UTP18: variants seen among roughly 807,000 people sequenced by gnomAD.
UTP18 encodes U3 small nucleolar RNA-associated protein 18 homolog.
A neutral mutation model predicts 61.1 loss-of-function variants in UTP18; 36 were observed. The observed-to-expected ratio is 0.59, with a 90% CI of 0.45 to 0.78. The LOEUF is 0.78. UTP18 is among the 30% of genes least tolerant of loss of function. The pLI is 0.00. For synonymous variants in UTP18, 282 were observed against 251.1 expected, an observed-to-expected ratio of 1.12 and a Z score of -1.16; for missense variants, 753 against 693.9, an observed-to-expected ratio of 1.09 and a Z score of -0.96.
At chr17:51,273,546 T>G (rs908147442) in intron 5 of UTP18, 96 bp downstream of exon 5, 4 of 812,954 alleles carry the variant, frequency 4.9e-6, no homozygotes, top group Admixed American at 5.5e-5. Flanking sequence ...CTATTATCTG[T>G]GGGGTTAAAT....
At chr17:51,276,045 C>G in intron 6 of UTP18, 54 bp downstream of exon 6, 1 of 1,534,000 alleles carries the variant, frequency 6.5e-7, no homozygotes, top group South Asian at 1.2e-5. Flanking sequence ...TATTTAAGGA[C>G]CAGACATTTG....
chr17:51,269,294 C>CAAAAAAAA (rs58681434), intron 4 of UTP18, among the ~76,000 whole-genome samples: 9 of 66,666 alleles, frequency 1.4e-4, no homozygotes, highest in East Asian at 5.3e-4. Context: ...GACTCTGTCT[C>CAAAAAAAA]AAAAAAAAAA....
At chr17:51,271,887 C>G (rs1198591970) in intron 4 of UTP18, among the ~76,000 whole-genome samples, 1 of 151,976 alleles carries the variant, frequency 6.6e-6, no homozygotes, top group African/African-American at 2.4e-5. Flanking sequence ...AGGCTGGTCT[C>G]GAACTCCTGA....
chr17:51,262,536 C>T (rs1269893230), intron 1 of UTP18, among the ~76,000 whole-genome samples: 3 of 152,120 alleles, frequency 2.0e-5, no homozygotes, highest in Non-Finnish European at 4.4e-5. Context: ...TCTTCCATCT[C>T]CCTTTTGCTA....
chr17:51,277,116 G>A lies in UTP18; in HGVS notation c.838-14G>A. ...TGGAAATAATCAAAAGAACCATTTT[G>A]TACTTCTTTATAGGTTGATGGGAAA... On this transcript the variant is annotated splice_polypyrimidine_tract_variant and intron_variant, in intron 6 of 13. Transcript: ENST00000225298. The A allele has an allele frequency of 1.2e-6, 2 of 1,611,156 alleles. No homozygotes were observed. Among genetic ancestry groups the A allele is most frequent in the Non-Finnish European group, 1.7e-6 (2 of 1,178,112 alleles).
chr17:51,266,077 G>C (rs1045286683), intron 2 of UTP18, 105 bp from the exon 3 acceptor site: 1 of 789,910 alleles, frequency 1.3e-6, no homozygotes, highest in African/African-American at 1.8e-5. Flanking sequence ...TAAAAATCTT[G>C]ACCTATATTG....
At chr17:51,275,569 A>C (rs1435115678) in intron 5 of UTP18, among the ~76,000 whole-genome samples, 2 of 152,248 alleles carry the variant, frequency 1.3e-5, no homozygotes, top group Non-Finnish European at 2.9e-5. Flanking sequence ...ACTACATACT[A>C]GTGCTCCAAG....
At chr17:51,283,927 C>CT (rs1275613045) in intron 9 of UTP18, among the ~76,000 whole-genome samples, 3 of 152,060 alleles carry the variant, frequency 2.0e-5, no homozygotes, top group Non-Finnish European at 2.9e-5. Flanking sequence ...CTCATGTTGC[C>CT]TTTTTTGCCA....
chr17:51,286,494 G>A (rs1337547957), intron 10 of UTP18: 13 of 456,078 alleles, frequency 2.9e-5, no homozygotes, highest in Non-Finnish European at 5.3e-5. Context: ...TTAAAACTGG[G>A]GAAACTGCTT....
Position 51,261,353 on chromosome 17 carries a change from C to T in UTP18, c.342+427C>T, listed in dbSNP as rs535673399. Among the ~76,000 whole-genome samples the T allele has an allele frequency of 7.9e-5, 12 of 152,304 alleles. No homozygotes were observed. The East Asian group carries it at 1.7e-3, about 22-fold the overall frequency. ...GGGCATCTCCGTTGTAACTATGTCC[C>T]CATGTGACTATGAGACCCACCATGT... On this transcript the variant is annotated intron_variant, in intron 1 of 13. Coordinates refer to ENST00000225298, the MANE Select transcript of UTP18 (RefSeq NM_016001.3).
At chr17:51,287,592 A>T (rs1272271730) in intron 10 of UTP18, among the ~76,000 whole-genome samples, 2 of 152,160 alleles carry the variant, frequency 1.3e-5, no homozygotes, top group African/African-American at 2.4e-5. Flanking sequence ...AAGAGATAAT[A>T]TGCATGTGGC....
intron 4 of UTP18, 97 bp from the exon 5 acceptor site, chr17:51,273,265 G>T (rs1023378018): frequency 1.7e-5 from 13 of 786,458 alleles, no homozygotes; most frequent in Non-Finnish European, 3.8e-6. Context: ...GCTGGAAAGG[G>T]AGTTGATGTT....
chr17:51,277,662 G>C (rs530286777), intron 7 of UTP18, among the ~76,000 whole-genome samples: 1 of 152,234 alleles, frequency 6.6e-6, no homozygotes, highest in African/African-American at 2.4e-5. Flanking sequence ...TCACCTCTCT[G>C]ATCTTCAGGA....
rs1226379580 is a variant in UTP18, at chr17:51,288,175, C to T, written c.1475C>T (p.Ser492Leu). The T allele has an allele frequency of 6.3e-7, 1 of 1,591,532 alleles. No homozygotes were observed. The highest frequency in any genetic ancestry group is 8.5e-7 in the Non-Finnish European group (1 of 1,174,192). The change falls in exon 11 of 14, where the codon TCA becomes TTA. Residue 492 changes from serine (S) to leucine (L), a missense_variant. Coordinates refer to ENST00000225298, the MANE Select transcript of UTP18 (RefSeq NM_016001.3). ...NPTTEILAIA[S>L]EKMKEAVRLV... ...ACTACAGAAATCTTGGCAATTGCTTCAGAAAAAATGAAAGAAGCAGTCAGA... is the reference window on the plus strand; with the variant it reads ...ACTACAGAAATCTTGGCAATTGCTTTAGAAAAAATGAAAGAAGCAGTCAGA...
At chr17:51,261,176 C>T (rs1010884020) in intron 1 of UTP18, among the ~76,000 whole-genome samples, 1 of 152,252 alleles carries the variant, frequency 6.6e-6, no homozygotes, top group Admixed American at 6.5e-5. Context: ...CGGGTATCTG[C>T]TTTGCGAACT....
At chr17:51,276,880 C>T (rs1214332566) in intron 6 of UTP18, among the ~76,000 whole-genome samples, 1 of 152,182 alleles carries the variant, frequency 6.6e-6, no homozygotes, top group African/African-American at 2.4e-5. Context: ...CTTCTCAGGG[C>T]ACGCCACCTC....
In UTP18 at chr17:51,280,499, G is replaced by A. The variant is rs761348064; in HGVS notation, c.1204+20G>A. ...CTTCGGGTAAGACAACGACATGAAA[G>A]AAGCTAAGGATATTTTTACATTTTA... On this transcript the variant is annotated intron_variant, in intron 9 of 13. Coordinates refer to ENST00000225298, the MANE Select transcript of UTP18 (RefSeq NM_016001.3). 6 of 1,611,412 alleles carry A rather than the reference G, an allele frequency of 3.7e-6. No individual in the cohort carries two copies. The highest frequency in any genetic ancestry group is 1.3e-5 in the African/African-American group (1 of 74,938).
intron 12 of UTP18, among the ~76,000 whole-genome samples, chr17:51,295,926 C>T (rs557824157): frequency 6.6e-6 from 1 of 152,292 alleles, no homozygotes; most frequent in African/African-American, 2.4e-5. Context: ...TTTCCACTTT[C>T]TTCGTGCCTT....
At position 51,297,863 on chromosome 17, in the gene UTP18, G is replaced by T. The variant is rs1015241188; in HGVS notation, c.*96G>T. On this transcript the variant is annotated 3_prime_UTR_variant, in exon 14 of 14. Coordinates refer to ENST00000225298, the MANE Select transcript of UTP18 (RefSeq NM_016001.3). ...GAATATGTGATAATATATGGAAAAT[G>T]ATTTATAGATCCAGCTGTGCTTAAG... is the stretch of plus-strand genomic sequence containing the variant. The T allele has an allele frequency of 2.8e-6, 1 of 362,878 alleles. No individual in the cohort carries two copies. Among genetic ancestry groups the T allele is most frequent in the African/African-American group, 2.3e-5 (1 of 43,692 alleles). 22.5% of individuals were successfully genotyped at this position (362,878 alleles called of 1,614,324 possible).
Sources: allele counts gnomAD v4.1 joint callset (sites outside exome capture counted in the v4.1 genomes callset), GRCh38; gene constraint gnomAD v4.1.1; transcripts MANE v1.5; gene names NCBI Gene and HGNC (gene_info 2026-07-23, HGNC 2026-07-21).